Variants in TTC19 observed in about 807,000 individuals in gnomAD.
TTC19 encodes tetratricopeptide repeat domain 19, also known as tetratricopeptide repeat protein 19, mitochondrial.
In TTC19, 38 loss-of-function variants were observed where a neutral mutation model predicts 49.5. The observed-to-expected ratio is 0.77, with a 90% CI of 0.59 to 1.01. The LOEUF is 1.01. TTC19 is among the 50% of genes least tolerant of loss of function. TTC19 has a pLI of 0.00. For synonymous variants in TTC19, 204 were observed against 185.2 expected, an observed-to-expected ratio of 1.10 and a Z score of -0.83; for missense variants, 475 against 477.7, an observed-to-expected ratio of 0.99 and a Z score of 0.05.
intron 2 of TTC19, chr17:16,040,005 A>C: frequency 2.6e-6 from 1 of 390,286 alleles, no homozygotes; most frequent in South Asian, 2.1e-5. Context: ...GGTCAGGCTG[A>C]TCTCGAATTC....
intron 2 of TTC19, among the ~76,000 whole-genome samples, chr17:16,036,468 G>C (rs2056393055): frequency 6.6e-6 from 1 of 152,214 alleles, no homozygotes; most frequent in South Asian, 2.1e-4. Flanking sequence ...TAACAAGAGA[G>C]TCAGCCTGTC....
chr17:16,010,599 C>T (rs1250578683), intron 7 of TTC19, among the ~76,000 whole-genome samples: 2 of 151,936 alleles, frequency 1.3e-5, no homozygotes, highest in African/African-American at 4.8e-5. Flanking sequence ...CTCAGCCTCC[C>T]GAGTAGCTGG....
chr17:16,019,914 G>A (rs1413233087), intron 7 of TTC19, among the ~76,000 whole-genome samples: 2 of 150,652 alleles, frequency 1.3e-5, no homozygotes, highest in African/African-American at 2.5e-5. Flanking sequence ...ATCATTTGAG[G>A]TCAGGAGTTG....
At chr17:16,027,232 G>A in intron 9 of TTC19, 142 bp from the exon 10 acceptor site, 1 of 931,294 alleles carries the variant, frequency 1.1e-6, no homozygotes, top group East Asian at 2.6e-5. Context: ...TGTCAGATGG[G>A]GATGAAATGA....
chr17:16,000,506 C>T, intron 2 of TTC19: 5 of 983,514 alleles, frequency 5.1e-6, no homozygotes, highest in East Asian at 3.6e-5. Flanking sequence ...TTTATGCAAA[C>T]GAAATATCGG....
rs1228797029 is a variant in TTC19, at chr17:16,004,278, A to G, written c.581+16A>G. 23 of 1,612,718 alleles carry G rather than the reference A, an allele frequency of 1.4e-5. No homozygotes were observed. The highest frequency in any genetic ancestry group is 1.7e-5 in the Non-Finnish European group (20 of 1,178,644). On this transcript the variant is annotated intron_variant, in intron 6 of 9. Transcript: ENST00000261647. ...CGCAGAACAGGTAAGTACAGCAGCC[A>G]GGGAGTAGGACTGTGGGCAGGAAAC...
Position 16,002,805 on chromosome 17 carries a change from G to C in TTC19, c.436G>C (p.Ala146Pro), listed in dbSNP as rs757516298. 1 of 1,614,008 alleles carries C rather than the reference G, an allele frequency of 6.2e-7. No individual in the cohort carries two copies. The highest frequency in any genetic ancestry group is 8.5e-7 in the Non-Finnish European group (1 of 1,179,978). The change falls in exon 4 of 10, where the codon GCA (alanine) becomes CCA (proline). Residue 146 changes from alanine to proline, a missense_variant. By Grantham distance (27) the Ala-to-Pro change is conservative (BLOSUM62 -1). Transcript: ENST00000261647. ...AATTTGCTTTCAGATGGCCAACTTA[G>C]CATTTATACGGGGTCAGCTTGAAAA... Reference protein sequence around the residue: ...TYTYDLMANLAFIRGQLENAE... With the variant: ...TYTYDLMANLPFIRGQLENAE...
chr17:16,043,485 A>G (rs1432488585), intron 2 of TTC19, among the ~76,000 whole-genome samples: 1 of 152,250 alleles, frequency 6.6e-6, no homozygotes, highest in East Asian at 1.9e-4. Flanking sequence ...AAAGTTAGGT[A>G]CTTGTTTCAT....
chr17:16,000,642 T>C (rs565897888), intron 2 of TTC19, among the ~76,000 whole-genome samples: 1 of 152,310 alleles, frequency 6.6e-6, no homozygotes, highest in East Asian at 1.9e-4. Context: ...TCCTGAATTC[T>C]TCCTTTTCTC....
chr17:16,016,014 T>C (rs1282676300), intron 7 of TTC19, among the ~76,000 whole-genome samples: 3 of 152,186 alleles, frequency 2.0e-5, no homozygotes, highest in African/African-American at 7.2e-5. Flanking sequence ...TGTCTTTCTA[T>C]TTTCCATTTC....
intron 2 of TTC19, among the ~76,000 whole-genome samples, chr17:16,042,985 A>G (rs896115208): frequency 6.6e-6 from 1 of 152,164 alleles, no homozygotes; most frequent in Non-Finnish European, 1.5e-5. Context: ...ATGAGGAGAA[A>G]GGGGCTAAGA....
At chr17:16,006,978 CCTCA>C (rs919332853) in intron 7 of TTC19, among the ~76,000 whole-genome samples, 1 of 152,180 alleles carries the variant, frequency 6.6e-6, no homozygotes, top group Non-Finnish European at 1.5e-5. Flanking sequence ...TACAATCCAT[CCTCA>C]CTCATTCTGG....
intron 2 of TTC19, chr17:16,040,942 G>A: frequency 6.0e-6 from 1 of 167,178 alleles, no homozygotes; most frequent in South Asian, 1.5e-4. Flanking sequence ...TGCACTGCTG[G>A]AGAAAAACAA....
intron 2 of TTC19, among the ~76,000 whole-genome samples, chr17:16,035,492 C>T (rs1266323670): frequency 6.7e-6 from 1 of 149,278 alleles, no homozygotes; most frequent in Admixed American, 6.7e-5. Flanking sequence ...TGCAGCAATT[C>T]AGTTACATCT....
intron 7 of TTC19, chr17:16,023,402 G>A (rs912558614): frequency 6.6e-6 from 1 of 152,000 alleles, no homozygotes; most frequent in African/African-American, 2.4e-5. Context: ...AAAATATCTC[G>A]CTTTTATCAT....
At chr17:16,025,687 A>G (rs1425080153) in intron 8 of TTC19, among the ~76,000 whole-genome samples, 2 of 152,210 alleles carry the variant, frequency 1.3e-5, no homozygotes, top group East Asian at 1.9e-4. Flanking sequence ...TTGAATTGAA[A>G]TCATCTCTTT....
At chr17:16,019,555 C>T (rs1013386273) in intron 7 of TTC19, among the ~76,000 whole-genome samples, 3 of 151,546 alleles carry the variant, frequency 2.0e-5, no homozygotes, top group African/African-American at 7.3e-5. Context: ...AGGGTGACTT[C>T]CTCTAATTAA....
chr17:16,035,116 G>C (rs952201779), intron 2 of TTC19, among the ~76,000 whole-genome samples: 3 of 152,176 alleles, frequency 2.0e-5, no homozygotes, highest in African/African-American at 7.2e-5. Context: ...AGATACTGAG[G>C]GTTTAGTAAG....
chr17:16,000,860 C>A (rs571161823), intron 2 of TTC19, among the ~76,000 whole-genome samples: 2 of 152,186 alleles, frequency 1.3e-5, no homozygotes, highest in Admixed American at 6.5e-5. Context: ...GCCTCCTCAA[C>A]ATACGCTTTC....
Sources: allele counts gnomAD v4.1 joint callset (sites outside exome capture counted in the v4.1 genomes callset), GRCh38; gene constraint gnomAD v4.1.1; transcripts MANE v1.5; gene names NCBI Gene and HGNC (gene_info 2026-07-23, HGNC 2026-07-21).